SYNE2: variants seen among roughly 807,000 people sequenced by gnomAD.
The protein encoded by SYNE2 is spectrin repeat containing nuclear envelope protein 2.
Under a neutral mutation model 856.3 loss-of-function variants are expected in SYNE2, and 431 were observed. That is an observed-to-expected ratio of 0.50 (90% CI 0.47 to 0.55). SYNE2 has a LOEUF of 0.55. Among genes scored for constraint, SYNE2 ranks in the 20% least tolerant of loss-of-function variants. The pLI is 0.00. For missense variants in SYNE2, 8,129 were observed against 8,023.2 expected (o/e 1.01, Z -0.50); for synonymous variants, 2,923 against 2,872.3 (o/e 1.02, Z -0.56).
intron 83 of SYNE2, among the ~76,000 whole-genome samples, chr14:64,145,079 G>A (rs1224381080): frequency 2.0e-5 from 3 of 151,538 alleles, no homozygotes; most frequent in Non-Finnish European, 4.4e-5. Context: ...CATGCCTGCC[G>A]CCACGCCTAG....
chr14:63,934,167 G>A (rs2095800704), intron 2 of SYNE2, among the ~76,000 whole-genome samples: 1 of 152,192 alleles, frequency 6.6e-6, no homozygotes. Flanking sequence ...GAGTTTAAAA[G>A]CCATGCAGAT....
Position 64,002,761 on chromosome 14 carries a change from C to A in SYNE2, c.3828C>A (p.Asn1276Lys). 3.1e-6 allele frequency: 5 copies of A among 1,613,630 alleles called. No individual in the cohort carries two copies. Among genetic ancestry groups the A allele is most frequent in the Non-Finnish European group, 4.2e-6 (5 of 1,179,934 alleles). ...DSIAKQIEIC[N>K]RLEEPGNFVL... The stretch of plus-strand genomic sequence containing the variant: ...TAGCAAAACAGATTGAAATATGTAA[C>A]CGCTTAGAAGAGCCAGGCAACTTTG... Residue 1276 changes from asparagine (N) to lysine (K), a missense_variant, in exon 30 of 116, where the codon AAC becomes AAA. By Grantham distance (94) the Asn-to-Lys change is moderately conservative. Transcript: ENST00000555002.
rs377410486 is a variant in SYNE2 at position 64,225,051 on chromosome 14, G to T, written c.20516+6G>T. The T allele has an allele frequency of 4.3e-6, 7 of 1,613,792 alleles. No individual in the cohort carries two copies. The African/African-American group carries it at 8.0e-5, about 18-fold the overall frequency. On this transcript the variant is annotated splice_donor_region_variant and intron_variant, in intron 115 of 115. Coordinates refer to ENST00000555002, the MANE Select transcript of SYNE2 (RefSeq NM_182914.3). ...GAGGAGGAGACAGAGAGCAGGTAAC[G>T]GGGCTTTACCGTGACAGCAGTGCGT...
intron 1 of SYNE2, among the ~76,000 whole-genome samples, chr14:63,774,048 C>T (rs1173883418): frequency 6.6e-6 from 1 of 152,152 alleles, no homozygotes; most frequent in Non-Finnish European, 1.5e-5. Flanking sequence ...AAACTGAAGA[C>T]AAGAGGCTGG....
At position 64,141,973 on chromosome 14, in the gene SYNE2, C is replaced by T; in HGVS notation, c.15191C>T (p.Ala5064Val). The T allele has an allele frequency of 1.2e-6, 2 of 1,614,010 alleles. No homozygotes were observed. The change falls in exon 82 of 116, where the codon GCA becomes GTA. Residue 5064 changes from alanine to valine, a missense_variant. Physicochemically the swap from Ala to Val is moderately conservative, Grantham distance 64. Around this residue, in one of 3 missense-constraint regions of SYNE2, gnomAD observed 5,410 missense variants for 5,284.8 expected, o/e 1.02. Transcript: ENST00000555002. ...LQMEKLPSRK[A>V]ITEMISWMNN... The stretch of plus-strand genomic sequence containing the variant: ...ATGGAGAAATTGCCGTCTCGTAAAG[C>T]AATCACAGAAATGATTAGCTGGATG...
chr14:63,846,857 G>C (rs929861621), intron 1 of SYNE2, among the ~76,000 whole-genome samples: 1 of 151,936 alleles, frequency 6.6e-6, no homozygotes, highest in Non-Finnish European at 1.5e-5. Context: ...TCTGCCTCTC[G>C]AAGTGTTGGG....
Position 64,126,598 on chromosome 14 carries a change from A to G in SYNE2, c.13708A>G (p.Thr4570Ala). 1 of 1,614,190 alleles carries G rather than the reference A, an allele frequency of 6.2e-7. No individual in the cohort carries two copies. The highest frequency in any genetic ancestry group is 8.5e-7 in the Non-Finnish European group (1 of 1,180,042). The change falls in exon 73 of 116, where the codon ACG (threonine) becomes GCG (alanine). Residue 4570 changes from threonine to alanine, a missense_variant and splice_region_variant. Thr to Ala is a moderately conservative substitution (Grantham distance 58). Coordinates refer to ENST00000555002, the MANE Select transcript of SYNE2 (RefSeq NM_182914.3). ...DGSGQQVHYE[T>A]LALELKKLYL... The stretch of plus-strand genomic sequence containing the variant: ...TTGTCTTCCTTCCTCTCCACTCCAG[A>G]CGCTGGCTCTTGAGTTGAAGAAACT...
chr14:63,838,574 G>C (rs1003810662), intron 1 of SYNE2, among the ~76,000 whole-genome samples: 5 of 151,908 alleles, frequency 3.3e-5, no homozygotes, highest in Non-Finnish European at 7.4e-5. Context: ...GAATGCAGTG[G>C]CGCAATCATA....
In SYNE2 at chr14:64,101,929, T is replaced by C; in HGVS notation, c.12382-3T>C. On this transcript the variant is annotated splice_region_variant and splice_polypyrimidine_tract_variant and intron_variant, in intron 63 of 115. Transcript: ENST00000555002. Reference sequence around the variant, plus strand: ...TTTGCTAACCAATCGTTTACTGTGATAGAATGGAGATGAGAAGGCAGAGCC... The same window carrying C: ...TTTGCTAACCAATCGTTTACTGTGACAGAATGGAGATGAGAAGGCAGAGCC... 1 of 1,609,562 alleles carries C rather than the reference T, an allele frequency of 6.2e-7. No homozygotes were observed. Among genetic ancestry groups the C allele is most frequent in the African/African-American group, 1.3e-5 (1 of 74,944 alleles).
At chr14:64,089,757 T>C in intron 59 of SYNE2, 61 bp downstream of exon 59, 1 of 1,329,966 alleles carries the variant, frequency 7.5e-7, no homozygotes, top group South Asian at 1.3e-5. Context: ...TTTTTCAAAA[T>C]ATAATATAAT....
chr14:64,184,507 G>A (rs1177900534), intron 96 of SYNE2, among the ~76,000 whole-genome samples: 1 of 152,124 alleles, frequency 6.6e-6, no homozygotes, highest in East Asian at 1.9e-4. Context: ...AAACCTGGCC[G>A]GGCATAACTC....
chr14:64,055,879 TAAG>T lies in SYNE2; in HGVS notation c.9745-62_9745-60del. 4.6e-6 allele frequency: 6 copies of T among 1,314,806 alleles called. No individual in the cohort carries two copies. In the South Asian group the frequency reaches 7.5e-5, roughly 16 times the overall value. The allele number at this position is 1,314,806 out of a possible 1,614,324, so 81.4% of individuals were successfully genotyped here. ...ATATTATCTATGTACCACGAAAACT[TAAG>T]AATGACAGGAATTCCAAAAGTTTGA... On this transcript the variant is annotated intron_variant, in intron 48 of 115. Coordinates refer to ENST00000555002, the MANE Select transcript of SYNE2 (RefSeq NM_182914.3).
chr14:63,838,104 T>G (rs1056960086), intron 1 of SYNE2, among the ~76,000 whole-genome samples: 17 of 152,226 alleles, frequency 1.1e-4, no homozygotes, highest in Non-Finnish European at 2.5e-4. Context: ...GCACAGTGGC[T>G]GACGCCTGTA....
chr14:63,894,881 G>C (rs904111283), intron 1 of SYNE2, among the ~76,000 whole-genome samples: 8 of 152,112 alleles, frequency 5.3e-5, no homozygotes, highest in African/African-American at 1.9e-4. Context: ...CCGGCTATTG[G>C]TGATACACGT....
chr14:63,982,962 G>A (rs1441602829), intron 17 of SYNE2, among the ~76,000 whole-genome samples, 168 bp downstream of exon 17: 15 of 152,118 alleles, frequency 9.9e-5, no homozygotes. Flanking sequence ...AACCCTAGCA[G>A]TCACTCCCTA....
intron 1 of SYNE2, among the ~76,000 whole-genome samples, chr14:63,785,793 A>G (rs936894665): frequency 1.3e-5 from 2 of 152,136 alleles, no homozygotes; most frequent in African/African-American, 4.8e-5. Flanking sequence ...TAAAGACTCA[A>G]GTGATTTAAC....
intron 1 of SYNE2, among the ~76,000 whole-genome samples, chr14:63,846,587 T>G (rs1258729045): frequency 6.6e-6 from 1 of 151,064 alleles, no homozygotes; most frequent in Non-Finnish European, 1.5e-5. Flanking sequence ...TTTTTTTCTG[T>G]TTTTTGTTTG....
chr14:63,913,146 G>A (rs531274749), intron 2 of SYNE2, among the ~76,000 whole-genome samples: 2 of 152,198 alleles, frequency 1.3e-5, no homozygotes, highest in East Asian at 3.9e-4. Flanking sequence ...TGATACCCAG[G>A]CTGGTTTTGA....
Position 64,220,457 on chromosome 14 carries a change from C to T in SYNE2, c.19881C>T (p.Asp6627=). The part of the protein sequence containing the change: ...KRLQEILKAF[D]TYKALVVSVN... ...GGTAGGAGATACTGAAAGCCTTTGA[C>T]ACTTACAAGGCATTAGTGGTCTCTG... is the stretch of plus-strand genomic sequence containing the variant. Residue 6627 remains aspartate, a synonymous_variant, in exon 111 of 116, where the codon GAC becomes GAT. Coordinates refer to ENST00000555002, the MANE Select transcript of SYNE2 (RefSeq NM_182914.3). 6.2e-7 allele frequency: 1 copy of T among 1,614,236 alleles called. No individual in the cohort carries two copies. The highest frequency in any genetic ancestry group is 8.5e-7 in the Non-Finnish European group (1 of 1,180,042).
Sources: allele counts gnomAD v4.1 joint callset (sites outside exome capture counted in the v4.1 genomes callset), GRCh38; gene constraint gnomAD v4.1.1; regional missense constraint gnomAD v4.1.1; transcripts MANE v1.5; gene names NCBI Gene and HGNC (gene_info 2026-07-23, HGNC 2026-07-21).